The following FYB1 variants were observed in gnomAD, a reference collection of about 807,000 sequenced individuals.
The protein encoded by FYB1 is FYN-binding protein 1.
A neutral mutation model predicts 94.1 loss-of-function variants in FYB1; 41 were observed. The ratio of observed to expected loss-of-function variants is 0.44; its 90% CI spans 0.34 to 0.57. The LOEUF is 0.57. Ranked by LOEUF, FYB1 falls within the 20% of genes least tolerant of loss-of-function variation. The probability of loss-of-function intolerance (pLI) is 0.02; values close to 1 mark genes in which losing one functional copy is unlikely to be tolerated. For synonymous variants in FYB1, 367 were observed against 353.2 expected, an observed-to-expected ratio of 1.04 and a Z score of -0.44; for missense variants, 1,050 against 976.8, an observed-to-expected ratio of 1.07 and a Z score of -1.00.
chr5:39,244,932 G>A (rs903869262), intron 1 of FYB1, among the ~76,000 whole-genome samples: 2 of 152,176 alleles, frequency 1.3e-5, no homozygotes, highest in African/African-American at 2.4e-5. Context: ...TTGCATAGAG[G>A]TGATTATAGT....
At chr5:39,129,944 G>A (rs748661252) in intron 10 of FYB1, among the ~76,000 whole-genome samples, 6 of 151,844 alleles carry the variant, frequency 4.0e-5, no homozygotes, top group African/African-American at 7.3e-5. Context: ...TATATCAAAT[G>A]GATATTTGCA....
At chr5:39,271,336 G>T (rs912954158) in intron 1 of FYB1, among the ~76,000 whole-genome samples, 2 of 152,162 alleles carry the variant, frequency 1.3e-5, no homozygotes, top group African/African-American at 2.4e-5. Context: ...ATCCCAAGTA[G>T]TCAGACTTTC....
At chr5:39,229,932 A>G (rs1750647864) in intron 1 of FYB1, among the ~76,000 whole-genome samples, 1 of 152,114 alleles carries the variant, frequency 6.6e-6, no homozygotes. Flanking sequence ...ACAGTACTTG[A>G]GTGAGGTGCC....
chr5:39,228,836 T>C (rs1302701025), intron 1 of FYB1, among the ~76,000 whole-genome samples: 2 of 152,222 alleles, frequency 1.3e-5, no homozygotes, highest in East Asian at 3.8e-4. Flanking sequence ...TCCTCTTTTT[T>C]GGTTCTGAGA....
At chr5:39,229,455 A>G (rs1381808079) in intron 1 of FYB1, among the ~76,000 whole-genome samples, 1 of 152,170 alleles carries the variant, frequency 6.6e-6, no homozygotes, top group Non-Finnish European at 1.5e-5. Context: ...AACTGTGTCC[A>G]TTTCCAGAAT....
intron 1 of FYB1, among the ~76,000 whole-genome samples, chr5:39,242,381 C>T (rs534564580): frequency 3.3e-5 from 5 of 150,044 alleles, no homozygotes; most frequent in Admixed American, 1.3e-4. Context: ...TGAGTGAGAA[C>T]ATGTGGTGTT....
chr5:39,218,206 C>T, intron 1 of FYB1, among the ~76,000 whole-genome samples: 1 of 152,172 alleles, frequency 6.6e-6, no homozygotes, highest in Non-Finnish European at 1.5e-5. Flanking sequence ...AACGGATGGT[C>T]AACTTTTCCA....
At chr5:39,162,474 C>T (rs1283666678) in intron 2 of FYB1, among the ~76,000 whole-genome samples, 1 of 152,100 alleles carries the variant, frequency 6.6e-6, no homozygotes, top group Non-Finnish European at 1.5e-5. Context: ...ATCATGAGGT[C>T]AAGAGATCCA....
At chr5:39,126,694 T>TAAAAAAA (rs1740697638) in intron 11 of FYB1, among the ~76,000 whole-genome samples, 1 of 39,570 alleles carries the variant, frequency 2.5e-5, no homozygotes, top group East Asian at 2.0e-3. Context: ...AGACCTGGTC[T>TAAAAAAA]CAAAAAAAAA....
At chr5:39,132,898 T>C (rs570745052) in intron 9 of FYB1, among the ~76,000 whole-genome samples, 3 of 152,334 alleles carry the variant, frequency 2.0e-5, no homozygotes, top group East Asian at 1.9e-4. Context: ...GAACTTCATC[T>C]GGCCTCAAAA....
chr5:39,216,050 A>T (rs1223943511), intron 1 of FYB1, among the ~76,000 whole-genome samples: 1 of 152,136 alleles, frequency 6.6e-6, no homozygotes, highest in East Asian at 1.9e-4. Flanking sequence ...AACCACCAGA[A>T]GCTGGAAGAG....
intron 17 of FYB1, 136 bp from the exon 18 acceptor site, chr5:39,108,398 T>A: frequency 2.7e-6 from 2 of 739,204 alleles, no homozygotes; most frequent in Non-Finnish European, 4.1e-6. Flanking sequence ...CATTTATAAG[T>A]AGAAATAAAT....
In FYB1 at chr5:39,137,613, T is replaced by C; in HGVS notation, c.1502A>G (p.Lys501Arg). 2.6e-6 allele frequency: 4 copies of C among 1,542,724 alleles called. No individual in the cohort carries two copies. The highest frequency in any genetic ancestry group is 3.5e-6 in the Non-Finnish European group (4 of 1,141,200). ...GCAAGCCCTTACTTTAAATTTCTTC[T>C]TTATTTCTTGTTCTTTCTTTTCTTT... Reference protein sequence around the residue: ...KEKEKKEQEIKKKFKLTGPIQ... With the variant: ...KEKEKKEQEIRKKFKLTGPIQ... Residue 501 changes from lysine to arginine, a missense_variant, in exon 7 of 19, where the codon AAG becomes AGG. Transcript: ENST00000512982.
At chr5:39,192,274 C>A (rs1416143998) in intron 2 of FYB1, among the ~76,000 whole-genome samples, 3 of 152,062 alleles carry the variant, frequency 2.0e-5, no homozygotes, top group Admixed American at 1.3e-4. Flanking sequence ...ATTAAAATTT[C>A]TTTTCGCTCT....
intron 16 of FYB1, among the ~76,000 whole-genome samples, chr5:39,112,167 A>T (rs1053929610): frequency 3.3e-5 from 5 of 151,854 alleles, no homozygotes; most frequent in African/African-American, 1.2e-4. Context: ...AACTGAAATA[A>T]CTCTTTATCT....
At chr5:39,115,553 A>G (rs1393084093) in intron 16 of FYB1, among the ~76,000 whole-genome samples, 3 of 152,176 alleles carry the variant, frequency 2.0e-5, no homozygotes, top group African/African-American at 7.2e-5. Flanking sequence ...TATTTGGGTA[A>G]CATTGTGGGG....
intron 3 of FYB1, among the ~76,000 whole-genome samples, chr5:39,150,764 C>T (rs1157755948): frequency 6.6e-6 from 1 of 152,352 alleles, no homozygotes; most frequent in East Asian, 1.9e-4. Flanking sequence ...TCACCACCTC[C>T]ACTGTTCCCA....
chr5:39,251,202 AGAT>A (rs1751698273), intron 1 of FYB1, among the ~76,000 whole-genome samples: 1 of 152,196 alleles, frequency 6.6e-6, no homozygotes, highest in South Asian at 2.1e-4. Context: ...GTGTTTCTTG[AGAT>A]AATAAGAAGT....
At chr5:39,239,276 A>T (rs1017044560) in intron 1 of FYB1, among the ~76,000 whole-genome samples, 1 of 151,922 alleles carries the variant, frequency 6.6e-6, no homozygotes, top group Non-Finnish European at 1.5e-5. Context: ...CACTCTCACC[A>T]CTCCTATTCA....
Sources: gnomAD v4.1 joint callset for allele counts (sites outside exome capture counted in the v4.1 genomes callset) on GRCh38, gnomAD v4.1.1 for gene constraint, MANE v1.5 for transcripts, NCBI Gene and HGNC (gene_info 2026-07-23, HGNC 2026-07-21) for gene names.